The following TET3 variants were observed in gnomAD, a reference collection of about 807,000 sequenced individuals.
TET3 encodes tet methylcytosine dioxygenase 3, also known as methylcytosine dioxygenase TET3.
In TET3, 19 loss-of-function variants were observed where a neutral mutation model predicts 141.4. That is an observed-to-expected ratio of 0.13 (90% CI 0.09 to 0.20). The LOEUF (loss-of-function observed/expected upper bound fraction) is 0.20. Ranked by LOEUF, TET3 falls within the 10% of genes least tolerant of loss-of-function variation. TET3 has a pLI of 1.00. For missense variants in TET3, 1,874 were observed against 2,356.9 expected (o/e 0.80, Z 4.24); for synonymous variants, 1,043 against 980.9 (o/e 1.06, Z -1.18).
chr2:74,032,270 T>G (rs1375868825), intron 3 of TET3, among the ~76,000 whole-genome samples: 1 of 152,130 alleles, frequency 6.6e-6, no homozygotes, highest in Non-Finnish European at 1.5e-5. Context: ...TTCTGTTTCT[T>G]TAGCCTATTA....
At chr2:74,019,710 G>C (rs1275755097) in intron 3 of TET3, among the ~76,000 whole-genome samples, 1 of 152,214 alleles carries the variant, frequency 6.6e-6, no homozygotes, top group African/African-American at 2.4e-5. Context: ...ATCTCAAGCA[G>C]CCCTGGCTCC....
At chr2:74,089,765 G>A (rs1179373850) in intron 7 of TET3, 132 bp from the exon 8 acceptor site, 14 of 1,222,800 alleles carry the variant, frequency 1.1e-5, no homozygotes, top group Admixed American at 2.2e-5. Flanking sequence ...TGGGGGTGGG[G>A]AAGGATGAGT....
the TET3 span, among the ~76,000 whole-genome samples, chr2:74,115,111 T>C: frequency 6.6e-6 from 1 of 152,208 alleles, no homozygotes. Flanking sequence ...ACTGAGATTA[T>C]ATCATACTAA....
intron 4 of TET3, among the ~76,000 whole-genome samples, chr2:74,061,023 T>C (rs1688489962): frequency 1.3e-5 from 2 of 152,074 alleles, no homozygotes; most frequent in Non-Finnish European, 2.9e-5. Flanking sequence ...CTCAATGAGC[T>C]GTTGGGCACA....
At chr2:74,033,115 G>A (rs1037912228) in intron 3 of TET3, among the ~76,000 whole-genome samples, 11 of 152,150 alleles carry the variant, frequency 7.2e-5, no homozygotes, top group Non-Finnish European at 8.8e-5. Flanking sequence ...TTCTCGTCTC[G>A]TTCACAGACA....
chr2:74,123,715 C>T, the TET3 span, among the ~76,000 whole-genome samples: 2 of 152,046 alleles, frequency 1.3e-5, no homozygotes, highest in Admixed American at 6.5e-5. Flanking sequence ...TCTGCCTGGC[C>T]GCCCATCGTC....
intron 7 of TET3, 91 bp downstream of exon 7, chr2:74,088,129 C>G: frequency 7.6e-7 from 1 of 1,315,422 alleles, no homozygotes; most frequent in Non-Finnish European, 1.0e-6. Flanking sequence ...GGGAAGGCTC[C>G]TAGGGGCCCT....
At chr2:74,063,717 C>G (rs1468274024) in intron 4 of TET3, among the ~76,000 whole-genome samples, 1 of 152,014 alleles carries the variant, frequency 6.6e-6, no homozygotes, top group Non-Finnish European at 1.5e-5. Context: ...TTCTAGAGAT[C>G]TGCTGTACAG....
At chr2:74,021,036 T>C (rs1686011679) in intron 3 of TET3, among the ~76,000 whole-genome samples, 1 of 152,188 alleles carries the variant, frequency 6.6e-6, no homozygotes, top group Admixed American at 6.5e-5. Context: ...CTGGGAAACA[T>C]TGGAACCAAG....
Position 74,100,583 on chromosome 2 carries a change from A to G in TET3, c.3795A>G (p.Ala1265=). ...NSVYSYHSYY[A]QPSLTSVNGF... ...TGTACTCCTACCACTCCTACTATGC[A>G]CAGCCCAGCCTGACCTCCGTCAATG... is the stretch of plus-strand genomic sequence containing the variant. Residue 1265 remains alanine (A), a synonymous_variant, in exon 12 of 12, where the codon GCA becomes GCG. Transcript: ENST00000409262. 6.2e-7 allele frequency: 1 copy of G among 1,613,738 alleles called. No homozygotes were observed. Among genetic ancestry groups the G allele is most frequent in the Non-Finnish European group, 8.5e-7 (1 of 1,179,808 alleles).
chr2:74,106,378 C>T lies in TET3; in HGVS notation c.*4202C>T, dbSNP rs1404510158. Reference sequence around the variant, plus strand: ...GAAGGGGAGTTGGGTACTTCTGCCTCTCCTAGCATGATAGGCATTCTCATA... The same window carrying T: ...GAAGGGGAGTTGGGTACTTCTGCCTTTCCTAGCATGATAGGCATTCTCATA... On this transcript the variant is annotated 3_prime_UTR_variant, in exon 12 of 12. Coordinates refer to ENST00000409262, the MANE Select transcript of TET3 (RefSeq NM_001287491.2). The T allele has an allele frequency of 6.5e-6, 1 of 153,732 alleles. No individual in the cohort carries two copies. The highest frequency in any genetic ancestry group is 1.9e-4 in the East Asian group (1 of 5,198). The allele number at this position is 153,732 out of a possible 1,614,324, so 9.5% of individuals were successfully genotyped here.
At chr2:74,012,106 G>A (rs1440053965) in intron 3 of TET3, among the ~76,000 whole-genome samples, 4 of 152,080 alleles carry the variant, frequency 2.6e-5, no homozygotes, top group South Asian at 2.1e-4. Context: ...GACTACAGGC[G>A]CATGCCACCA....
In TET3 at chr2:74,107,898, GATA is replaced by G. The variant is rs887381668; in HGVS notation, c.*5725_*5727del. ...ATTCTTAGTACAGTAAATTTATGCT[GATA>G]ATTTTATTTTGTATAATTTTTACCT... On this transcript the variant is annotated 3_prime_UTR_variant, in exon 12 of 12. Coordinates refer to ENST00000409262, the MANE Select transcript of TET3 (RefSeq NM_001287491.2). 9 of 152,406 alleles carry G rather than the reference GATA, an allele frequency of 5.9e-5. No homozygotes were observed. Among genetic ancestry groups the G allele is most frequent in the African/African-American group, 1.7e-4 (7 of 41,422 alleles). The allele number at this position is 152,406 out of a possible 1,614,324, so 9.4% of individuals were successfully genotyped here. A position where few individuals can be genotyped will look rare whatever the true frequency, so the allele number is the denominator to read the frequency against.
the TET3 span, among the ~76,000 whole-genome samples, chr2:74,120,423 G>A: frequency 6.6e-6 from 1 of 152,246 alleles, no homozygotes; most frequent in South Asian, 2.1e-4. Flanking sequence ...CCGTGGCTAC[G>A]CCCCGGCCGC....
intron 4 of TET3, among the ~76,000 whole-genome samples, chr2:74,053,129 A>G (rs1324009855): frequency 6.6e-6 from 1 of 152,232 alleles, no homozygotes. Flanking sequence ...GCCATTCTCT[A>G]AAAGATAATA....
intron 5 of TET3, chr2:74,073,943 C>T (rs1038658917): frequency 1.0e-4 from 22 of 216,776 alleles, no homozygotes; most frequent in African/African-American, 3.5e-4. Context: ...ATAGCTTTCC[C>T]GTGGTATTGT....
At chr2:74,048,611 C>T (rs1042478551) in intron 4 of TET3, among the ~76,000 whole-genome samples, 200 bp downstream of exon 4, 8 of 152,194 alleles carry the variant, frequency 5.3e-5, no homozygotes, top group Admixed American at 3.9e-4. Context: ...GTGTATGCCA[C>T]GTCGGCTGAG....
At chr2:74,073,240 A>G (rs544870773) in intron 4 of TET3, among the ~76,000 whole-genome samples, 4 of 152,310 alleles carry the variant, frequency 2.6e-5, no homozygotes, top group Admixed American at 6.5e-5. Context: ...GCAGGATGCA[A>G]CTGTTTAGCT....
At chr2:73,983,680 C>G (rs1428843866), upstream of TET3, among the ~76,000 whole-genome samples, 1 of 152,212 alleles carries the variant, frequency 6.6e-6, no homozygotes, top group African/African-American at 2.4e-5. Flanking sequence ...AATAGCCGGC[C>G]GAATGCTCTT....
Sources: gnomAD v4.1 joint callset for allele counts (sites outside exome capture counted in the v4.1 genomes callset) on GRCh38, gnomAD v4.1.1 for gene constraint, MANE v1.5 for transcripts, NCBI Gene and HGNC (gene_info 2026-07-23, HGNC 2026-07-21) for gene names.